The following MGAM variants were observed in gnomAD, a reference collection of about 807,000 sequenced individuals.
MGAM encodes the protein alpha-1,4-glucosidase.
A neutral mutation model predicts 358.8 loss-of-function variants in MGAM; 253 were observed. The ratio of observed to expected loss-of-function variants is 0.71; its 90% confidence interval spans 0.64 to 0.78. The LOEUF (loss-of-function observed/expected upper bound fraction) is 0.78, where lower values mean the gene tolerates loss of function less well. Ranked by LOEUF, MGAM falls within the 30% of genes least tolerant of loss-of-function variation. MGAM has a pLI of 0.00. For synonymous variants in MGAM, 1,105 were observed against 1,227.1 expected (o/e 0.90, Z 2.08); for missense variants, 3,080 against 3,432.6 (o/e 0.90, Z 2.57).
chr7:142,032,498 T>TGTATTTACA (rs1807597572), intron 13 of MGAM, among the ~76,000 whole-genome samples: 1 of 152,196 alleles, frequency 6.6e-6, no homozygotes, highest in Admixed American at 6.5e-5. Flanking sequence ...TATATGTATA[T>TGTATTTACA]GTATTTACAG....
At chr7:142,016,821 G>A (rs1806012963) in intron 3 of MGAM, among the ~76,000 whole-genome samples, 1 of 152,158 alleles carries the variant, frequency 6.6e-6, no homozygotes, top group African/African-American at 2.4e-5. Context: ...TCAAACTCCT[G>A]ACCTCGAGTG....
intron 40 of MGAM, among the ~76,000 whole-genome samples, chr7:142,066,294 T>C (rs946827626): frequency 6.8e-6 from 1 of 146,140 alleles, no homozygotes; most frequent in Non-Finnish European, 1.5e-5. Context: ...ATGAACCATA[T>C]TCCTCATTGT....
chr7:141,995,493 C>T (rs1372892541), upstream of MGAM, among the ~76,000 whole-genome samples: 2 of 152,188 alleles, frequency 1.3e-5, no homozygotes, highest in Non-Finnish European at 2.9e-5. Context: ...TGCTACTAAA[C>T]GTCAGTGAGT....
intron 2 of MGAM, among the ~76,000 whole-genome samples, chr7:141,988,584 C>T (rs1309411839): frequency 2.6e-5 from 4 of 152,068 alleles, no homozygotes; most frequent in Admixed American, 6.5e-5. Context: ...AGGCTGGTCT[C>T]GAACTCCTGA....
chr7:142,034,923 C>A (rs1807851330), intron 16 of MGAM, 82 bp downstream of exon 16: 1 of 1,340,150 alleles, frequency 7.5e-7, no homozygotes, highest in Non-Finnish European at 1.0e-6. Flanking sequence ...CACAAAGCTC[C>A]CCTCTCCTGC....
At chr7:141,999,034 T>C (rs1554449813) in intron 1 of MGAM, among the ~76,000 whole-genome samples, 1 of 152,014 alleles carries the variant, frequency 6.6e-6, no homozygotes, top group East Asian at 1.9e-4. Flanking sequence ...TATATTTATT[T>C]ATTTTGTTTA....
chr7:142,034,746 G>A lies in MGAM; in HGVS notation c.1864G>A (p.Ala622Thr), dbSNP rs1554465187. 1.1e-5 allele frequency: 17 copies of A among 1,613,540 alleles called. No homozygotes were observed. The highest frequency in any genetic ancestry group is 1.4e-5 in the Non-Finnish European group (17 of 1,179,624). Residue 622 changes from alanine to threonine, a missense_variant, in exon 16 of 71, where the codon GCA becomes ACA. Around this residue, in one of 5 missense-constraint regions of MGAM, gnomAD observed 1,816 missense variants for 1,840.5 expected, o/e 0.99. Transcript: ENST00000475668. ...TACCTTTGCGGGCTCTGGCAAGTTT[G>A]CAGCACATTGGTTAGGAGACAACAC... ...RSTFAGSGKF[A>T]AHWLGDNTAT... is the part of the protein sequence containing the mutation.
At chr7:142,073,795 G>A (rs73740271) in intron 44 of MGAM, among the ~76,000 whole-genome samples, 13,369 of 145,750 alleles carry the variant, frequency 0.092, 1,930 homozygotes, top group African/African-American at 0.22. Flanking sequence ...TCTGTATTCC[G>A]AACAGTGGTT....
rs770943375 is a variant in MGAM, at chr7:142,082,102, C to A, written c.6063C>A (p.Arg2021=). The A allele has an allele frequency of 6.4e-7, 1 of 1,556,130 alleles. No homozygotes were observed. Among genetic ancestry groups the A allele is most frequent in the Non-Finnish European group, 8.8e-7 (1 of 1,132,512 alleles). The change falls in exon 51 of 71, where the codon CGC becomes CGA. Residue 2021 remains arginine, a synonymous_variant. Coordinates refer to ENST00000475668, the MANE Select transcript of MGAM (RefSeq NM_001365693.1). Reference sequence around the variant, plus strand: ...ACATGTTTATCCGCATCTCCACCCGCCTTCCCTCCAAGTACCTCTATGGCT... The same window carrying A: ...ACATGTTTATCCGCATCTCCACCCGACTTCCCTCCAAGTACCTCTATGGCT... ...FNDMFIRIST[R]LPSKYLYGFG... is the part of the protein sequence containing the mutation.
At position 142,102,662 on chromosome 7, in the gene MGAM, A is replaced by G; in HGVS notation, c.7996A>G (p.Ser2666Gly). 6.2e-7 allele frequency: 1 copy of G among 1,613,440 alleles called. No individual in the cohort carries two copies. Residue 2666 changes from serine (S) to glycine (G), a missense_variant, in exon 69 of 71, where the codon AGC becomes GGC. Ser to Gly is a moderately conservative substitution (Grantham distance 56). Coordinates refer to ENST00000475668, the MANE Select transcript of MGAM (RefSeq NM_001365693.1). ...TYGKGLYYLA[S>G]FSASQNTMQS... ...TGGGAAAGGACTCTATTACTTGGCC[A>G]GCTTTTCTGCCAGCCAGGTGAGTGT... is the stretch of plus-strand genomic sequence containing the variant.
At chr7:142,006,726 C>T (rs1398937181) in intron 2 of MGAM, among the ~76,000 whole-genome samples, 5 of 152,080 alleles carry the variant, frequency 3.3e-5, no homozygotes, top group African/African-American at 1.2e-4. Context: ...GTGGGTGCAA[C>T]AATTTTGGTA....
At chr7:142,076,366 T>G in intron 46 of MGAM, 114 bp downstream of exon 46, 1 of 1,075,406 alleles carries the variant, frequency 9.3e-7, no homozygotes, top group South Asian at 1.3e-5. Flanking sequence ...TTATTGGCTA[T>G]AGGTGAGCAC....
chr7:142,080,882 A>G lies in MGAM; in HGVS notation c.5939A>G (p.Asp1980Gly), dbSNP rs778496227. Reference sequence around the variant, plus strand: ...AGCACCCCTGAGGGTCAACTCTATGATGTCCTCATTAAGAAGAATCCATTT... The same window carrying G: ...AGCACCCCTGAGGGTCAACTCTATGGTGTCCTCATTAAGAAGAATCCATTT... ...PSSTPEGQLY[D>G]VLIKKNPFGI... The change falls in exon 50 of 71, where the codon GAT becomes GGT. Residue 1980 changes from aspartate to glycine, a missense_variant. By Grantham distance (94) the Asp-to-Gly change is moderately conservative. Transcript: ENST00000475668. 1.3e-6 allele frequency: 2 copies of G among 1,556,548 alleles called. No individual in the cohort carries two copies. Among genetic ancestry groups the G allele is most frequent in the Non-Finnish European group, 1.8e-6 (2 of 1,132,662 alleles).
intron 43 of MGAM, 87 bp from the exon 44 acceptor site, chr7:142,070,907 G>T: frequency 6.8e-7 from 1 of 1,479,076 alleles, no homozygotes. Context: ...TAAGTTCAGA[G>T]GGGAGGATGA....
At chr7:142,083,487 A>G (rs988248161) in intron 53 of MGAM, 74 bp downstream of exon 53, 1 of 1,068,690 alleles carries the variant, frequency 9.4e-7, no homozygotes, top group Non-Finnish European at 1.4e-6. Context: ...ATTCATTAGT[A>G]TAACTCTCAG....
At chr7:142,105,698 C>T in intron 70 of MGAM, 116 bp from the exon 71 acceptor site, 1 of 733,224 alleles carries the variant, frequency 1.4e-6, no homozygotes, top group Non-Finnish European at 2.4e-6. Flanking sequence ...TTTAACTAGA[C>T]AATACAATGT....
chr7:142,093,656 G>C lies in MGAM; in HGVS notation c.7172+106G>C, dbSNP rs1815615647. ...TCATTCCCATTCTAAGGGTTAAGAAGATTCTCATGACAACTGTGTAATGAT... is the reference window on the plus strand; with the variant it reads ...TCATTCCCATTCTAAGGGTTAAGAACATTCTCATGACAACTGTGTAATGAT... On this transcript the variant is annotated intron_variant, in intron 60 of 70. Coordinates refer to ENST00000475668, the MANE Select transcript of MGAM (RefSeq NM_001365693.1). The C allele has an allele frequency of 1.7e-6, 2 of 1,201,228 alleles. 1 individual carries two copies. The highest frequency in any genetic ancestry group is 2.9e-5 in the South Asian group (2 of 68,050). The allele number at this position is 1,201,228 out of a possible 1,614,324, so 74.4% of individuals were successfully genotyped here.
chr7:142,035,542 A>G (rs1807906591), intron 16 of MGAM, among the ~76,000 whole-genome samples: 2 of 152,236 alleles, frequency 1.3e-5, no homozygotes, highest in Admixed American at 1.3e-4. Flanking sequence ...GACATTTGAG[A>G]TTAACCTTGA....
At position 142,058,330 on chromosome 7, in the gene MGAM, T is replaced by C. The variant is rs754830431; in HGVS notation, c.3819+2T>C. 6.2e-7 allele frequency: 1 copy of C among 1,613,910 alleles called. No individual in the cohort carries two copies. On this transcript the variant is annotated splice_donor_variant, in intron 31 of 70. Transcript: ENST00000475668. LOFTEE classifies it high-confidence loss of function. Reference sequence around the variant, plus strand: ...ATGGTGGCTGCCCAGATCCCTTATGTACGTTCTCAGTCATGGCTCTGGAGT... The same window carrying C: ...ATGGTGGCTGCCCAGATCCCTTATGCACGTTCTCAGTCATGGCTCTGGAGT...
Sources: gnomAD v4.1 joint callset for allele counts (sites outside exome capture counted in the v4.1 genomes callset) on GRCh38, gnomAD v4.1.1 for gene constraint, gnomAD v4.1.1 regional missense constraint, MANE v1.5 for transcripts, NCBI Gene and HGNC (gene_info 2026-07-23, HGNC 2026-07-21) for gene names.